ZNF479: variants seen among roughly 807,000 people sequenced by gnomAD.
The protein encoded by ZNF479 is zinc finger protein 479, also known as KRAB zinc finger protein KR19.
ZNF479 carries 15 observed loss-of-function variants against 14.7 expected under a neutral mutation model. That is an observed-to-expected ratio of 1.02 (90% CI 0.68 to 1.57). The LOEUF (loss-of-function observed/expected upper bound fraction) is 1.57. Among genes scored for constraint, ZNF479 ranks in the 40% most tolerant of loss-of-function variants. The pLI, the probability that ZNF479 is intolerant of heterozygous loss-of-function variation, is 0.00. For synonymous variants in ZNF479, 145 were observed against 211.5 expected (o/e 0.69, Z 2.73); for missense variants, 506 against 615.1 (o/e 0.82, Z 1.88).
At chr7:57,127,935 A>AT (rs1175304686) in intron 1 of ZNF479, among the ~76,000 whole-genome samples, 5 of 74,322 alleles carry the variant, frequency 6.7e-5, no homozygotes, top group Non-Finnish European at 1.0e-4. Flanking sequence ...ATATATATAT[A>AT]TATTTTTTTT....
At chr7:57,134,356 C>T (rs992204725), upstream of ZNF479, among the ~76,000 whole-genome samples, 7 of 152,108 alleles carry the variant, frequency 4.6e-5, no homozygotes, top group East Asian at 1.9e-4. Flanking sequence ...TGCATTAGCA[C>T]GTGAAAGACA....
intron 3 of ZNF479, among the ~76,000 whole-genome samples, chr7:57,122,869 T>C (rs1786012655): frequency 6.6e-6 from 1 of 151,974 alleles, no homozygotes; most frequent in Non-Finnish European, 1.5e-5. Context: ...ATATATAACA[T>C]CAGGGCTTCA....
upstream of ZNF479, among the ~76,000 whole-genome samples, chr7:57,133,317 T>G (rs1194751832): frequency 1.3e-5 from 2 of 152,080 alleles, no homozygotes; most frequent in East Asian, 3.9e-4. Context: ...ATGTAAGATG[T>G]GCCTTGCTTT....
intron 3 of ZNF479, among the ~76,000 whole-genome samples, chr7:57,123,204 C>T (rs1345780324): frequency 6.6e-6 from 1 of 152,272 alleles, no homozygotes; most frequent in Non-Finnish European, 1.5e-5. Flanking sequence ...AAGAACCAAA[C>T]ATGTCACATG....
chr7:57,124,432 A>C (rs748346579), intron 3 of ZNF479, among the ~76,000 whole-genome samples: 1 of 152,228 alleles, frequency 6.6e-6, no homozygotes. Flanking sequence ...AATGAAGTTG[A>C]ATGGTTTAAT....
chr7:57,123,425 C>G (rs1014917173), intron 3 of ZNF479, among the ~76,000 whole-genome samples: 22 of 152,216 alleles, frequency 1.4e-4, no homozygotes, highest in Non-Finnish European at 4.4e-5. Flanking sequence ...CACCATATCA[C>G]AAACCAAATA....
At chr7:57,131,060 G>A (rs1232434917) in intron 1 of ZNF479, among the ~76,000 whole-genome samples, 2 of 152,090 alleles carry the variant, frequency 1.3e-5, no homozygotes, top group Admixed American at 6.6e-5. Context: ...ATGAGAACAC[G>A]TGGACACAAA....
rs1554400431 is a variant in ZNF479 at position 57,120,910 on chromosome 7, A to T, written c.505T>A (p.Phe169Ile). Reference protein sequence around the residue: ...THKYVKVFGKFSNSNRDKTRY... With the variant: ...THKYVKVFGKISNSNRDKTRY... ...GTTTTATCTCTATTGGAATTTGAAA[A>T]TTTACCAAAGACTTTGACATATTTA... The change falls in exon 4 of 4, where the codon TTT (phenylalanine) becomes ATT (isoleucine). Residue 169 changes from phenylalanine to isoleucine, a missense_variant. Physicochemically the swap from Phe to Ile is conservative, Grantham distance 21. Transcript: ENST00000319636. The T allele has an allele frequency of 5.6e-6, 9 of 1,613,830 alleles. No homozygotes were observed. The highest frequency in any genetic ancestry group is 1.7e-5 in the Admixed American group (1 of 59,894).
rs1240807493 is a variant in ZNF479, at chr7:57,120,429, T to A, written c.986A>T (p.Glu329Val). ...GGACCAGCTAAAGGCTTTGCCACAT[T>A]CCTCACACCTGCAGGGTTTCTCTCC... is the stretch of plus-strand genomic sequence containing the variant. Reference protein sequence around the residue: ...HTGEKPCRCEECGKAFSWSSN... With the variant: ...HTGEKPCRCEVCGKAFSWSSN... Residue 329 changes from glutamate (E) to valine (V), a missense_variant, in exon 4 of 4, where the codon GAA (glutamate) becomes GTA (valine). Glu to Val is a moderately radical substitution (Grantham distance 121). Coordinates refer to ENST00000319636, the MANE Select transcript of ZNF479 (RefSeq NM_001370129.2). 6.2e-7 allele frequency: 1 copy of A among 1,613,046 alleles called. No individual in the cohort carries two copies. Among genetic ancestry groups the A allele is most frequent in the East Asian group, 2.2e-5 (1 of 44,758 alleles).
chr7:57,128,568 A>G (rs1301239393), intron 1 of ZNF479, among the ~76,000 whole-genome samples: 1 of 152,218 alleles, frequency 6.6e-6, no homozygotes, highest in African/African-American at 2.4e-5. Flanking sequence ...TTCAACAGCT[A>G]CAATGGGAAC....
rs377564394 is a variant in ZNF479, at chr7:57,127,937, ATTTT to A, written c.40-1223_40-1220del. ...ATTTAATTTTATTATATATATATAT[ATTTT>A]TTTTTTTTTTTTGAGACAGAGTCTC... On this transcript the variant is annotated intron_variant, in intron 1 of 3. Transcript: ENST00000319636. Among the ~76,000 whole-genome samples the A allele has an allele frequency of 6.1e-3, 850 of 139,342 alleles. 10 individuals carry two copies. The highest frequency in any genetic ancestry group is 0.02 in the East Asian group (94 of 4,818). 91.4% of individuals were successfully genotyped at this position (139,342 alleles called of 152,430 possible). A position where few individuals can be genotyped will look rare whatever the true frequency, so the allele number is the denominator to read the frequency against.
chr7:57,129,773 A>C (rs1157546370), intron 1 of ZNF479, among the ~76,000 whole-genome samples: 6 of 152,154 alleles, frequency 3.9e-5, no homozygotes, highest in African/African-American at 1.4e-4. Flanking sequence ...CAGCATTTTT[A>C]TTTCTTCTTA....
chr7:57,132,359 T>G lies in ZNF479; in HGVS notation c.-35A>C. 3 of 1,614,024 alleles carry G rather than the reference T, an allele frequency of 1.9e-6. No homozygotes were observed. Among genetic ancestry groups the G allele is most frequent in the Non-Finnish European group, 2.5e-6 (3 of 1,179,954 alleles). ...GATACCTGCAGGACACAAGGACACA[T>G]AGGCTTGGCCTCTAGGAGCAGAGGA... is the stretch of plus-strand genomic sequence containing the variant. On this transcript the variant is annotated 5_prime_UTR_variant, in exon 1 of 4. An upstream start codon of the reference 5' UTR is lost. Coordinates refer to ENST00000319636, the MANE Select transcript of ZNF479 (RefSeq NM_001370129.2).
intron 3 of ZNF479, among the ~76,000 whole-genome samples, chr7:57,122,933 C>T (rs922196065): frequency 4.0e-5 from 6 of 151,618 alleles, no homozygotes; most frequent in African/African-American, 1.2e-4. Context: ...AATAGCAACA[C>T]AAAATTATAA....
rs1370521532 is a variant in ZNF479, at chr7:57,118,600, G to C, written c.*1240C>G. 6.6e-6 allele frequency among the ~76,000 whole-genome samples: 1 copy of C among 152,154 alleles called. No individual in the cohort carries two copies. The highest frequency in any genetic ancestry group is 2.1e-4 in the South Asian group (1 of 4,820). ...TTGGCCAGGCTGGTCTTGAACTCCT[G>C]ACCTCATGATCCACCGACCTTGGTC... On this transcript the variant is annotated 3_prime_UTR_variant, in exon 4 of 4. Transcript: ENST00000319636.
At chr7:57,137,156 G>T (rs757393216), upstream of ZNF479, among the ~76,000 whole-genome samples, 1 of 152,134 alleles carries the variant, frequency 6.6e-6, no homozygotes, top group Non-Finnish European at 1.5e-5. Context: ...ATGGTTAAAA[G>T]TCAGCTTAAT....
intron 1 of ZNF479, among the ~76,000 whole-genome samples, chr7:57,129,637 T>C (rs4351368): frequency 0.31 from 46,356 of 149,288 alleles, 7,619 homozygotes; most frequent in East Asian, 0.53. Context: ...TAAGCAGGTA[T>C]TGTGTGCTCA....
At chr7:57,135,540 G>T (rs1786608531), upstream of ZNF479, among the ~76,000 whole-genome samples, 2 of 152,046 alleles carry the variant, frequency 1.3e-5, no homozygotes, top group Admixed American at 6.6e-5. Flanking sequence ...AGCTTCCCAA[G>T]TAGCTGGGAT....
rs551536346 is a variant in ZNF479 at position 57,117,717 on chromosome 7, G to A, written c.*2123C>T. Reference sequence around the variant, plus strand: ...ATTTATTGCATTTTATTACATAAACGTACAATTGATAAAAAACAATCTCTC... The same window carrying A: ...ATTTATTGCATTTTATTACATAAACATACAATTGATAAAAAACAATCTCTC... On this transcript the variant is annotated 3_prime_UTR_variant, in exon 4 of 4. Transcript: ENST00000319636. Among the ~76,000 whole-genome samples, 566 of 152,292 alleles carry A rather than the reference G, an allele frequency of 3.7e-3. 3 individuals are homozygous for A. The highest frequency in any genetic ancestry group is 0.013 in the African/African-American group (528 of 41,554).
Sources: gnomAD v4.1 joint callset for allele counts (sites outside exome capture counted in the v4.1 genomes callset) on GRCh38, gnomAD v4.1.1 for gene constraint, MANE v1.5 for transcripts, NCBI Gene and HGNC (gene_info 2026-07-23, HGNC 2026-07-21) for gene names.